CD47: variants seen among roughly 807,000 people sequenced by gnomAD.
CD47 encodes the protein leukocyte surface antigen CD47.
Under a neutral mutation model 44.6 loss-of-function variants are expected in CD47, and 11 were observed. That is an observed-to-expected ratio of 0.25 (90% CI 0.16 to 0.41). The LOEUF is 0.41. Among genes scored for constraint, CD47 ranks in the 10% least tolerant of loss-of-function variants. The probability of loss-of-function intolerance (pLI) is 1.00; values close to 1 mark genes in which losing one functional copy is unlikely to be tolerated. For missense variants in CD47, 306 were observed against 386.7 expected (o/e 0.79, Z 1.75); for synonymous variants, 140 against 136.3 (o/e 1.03, Z -0.19).
In CD47 at chr3:108,057,347, T is replaced by C. The variant is rs1325859695; in HGVS notation, c.877+130A>G. 5.7e-5 allele frequency: 31 copies of C among 547,034 alleles called. No individual in the cohort carries two copies. In the East Asian group the frequency reaches 8.3e-4, roughly 15 times the overall value. The allele number at this position is 547,034 out of a possible 1,614,324, so 33.9% of individuals were successfully genotyped here. A position where few individuals can be genotyped will look rare whatever the true frequency, so the allele number is the denominator to read the frequency against. On this transcript the variant is annotated intron_variant, in intron 7 of 10. Coordinates refer to ENST00000361309, the MANE Select transcript of CD47 (RefSeq NM_001777.4). ...CCTATATGTCTTCTACCCTCTTTAA[T>C]TATCCTCGAATCACTCCAATTGTAT...
At chr3:108,057,395 T>C in intron 7 of CD47, 82 bp downstream of exon 7, 1 of 691,486 alleles carries the variant, frequency 1.4e-6, no homozygotes, top group East Asian at 2.6e-5. Context: ...GGTCCTAAAC[T>C]GGAAGAACAA....
In CD47 at chr3:108,058,409, C is replaced by T. The variant is rs1218151856; in HGVS notation, c.712G>A (p.Val238Ile). The stretch of plus-strand genomic sequence containing the variant: ...ACCTGAATAACCAATATGGCAATGA[C>T]GAAGGAGGTTAATCCAATCGCTGGA... ...FSTAIGLTSF[V>I]IAILVIQVIA... The change falls in exon 6 of 11, where the codon GTC becomes ATC. Residue 238 changes from valine (V) to isoleucine (I), a missense_variant. By Grantham distance (29) the Val-to-Ile change is conservative. Around this residue, in one of 5 missense-constraint regions of CD47, gnomAD observed 131 missense variants for 135.3 expected, o/e 0.97. Coordinates refer to ENST00000361309, the MANE Select transcript of CD47 (RefSeq NM_001777.4). The T allele has an allele frequency of 2.4e-5, 37 of 1,564,410 alleles. No homozygotes were observed. The highest frequency in any genetic ancestry group is 6.7e-5 in the African/African-American group (5 of 74,220).
chr3:108,064,143 A>G (rs1318635738), intron 3 of CD47, among the ~76,000 whole-genome samples: 3 of 152,336 alleles, frequency 2.0e-5, no homozygotes, highest in South Asian at 2.1e-4. Context: ...TTTATTTGAC[A>G]ATAATTGATT....
rs1279451954 is a variant in CD47, at chr3:108,090,984, G to C, written c.-76C>G. ...CAGCCGCCGCCGCCGTTACAGGCAG[G>C]ACCGACCGCCGCCGCGCGTCACAGG... On this transcript the variant is annotated 5_prime_UTR_variant, in exon 1 of 11. Transcript: ENST00000361309. 1.4e-5 allele frequency: 15 copies of C among 1,080,196 alleles called. No homozygotes were observed. The highest frequency in any genetic ancestry group is 1.7e-5 in the Non-Finnish European group (14 of 814,780). The allele number at this position is 1,080,196 out of a possible 1,614,324, so 66.9% of individuals were successfully genotyped here. A position where few individuals can be genotyped will look rare whatever the true frequency, so the allele number is the denominator to read the frequency against.
At chr3:108,068,268 T>G (rs2079137838) in intron 3 of CD47, among the ~76,000 whole-genome samples, 1 of 152,150 alleles carries the variant, frequency 6.6e-6, no homozygotes, top group African/African-American at 2.4e-5. Context: ...TTTGGATCCA[T>G]GACTATCTCA....
intron 7 of CD47, chr3:108,052,984 C>G (rs1332167761): frequency 6.6e-6 from 1 of 152,506 alleles, no homozygotes; most frequent in Non-Finnish European, 1.5e-5. Context: ...TAAAAAAACC[C>G]AAAAAAACAA....
At chr3:108,057,732 G>C (rs933728325) in intron 6 of CD47, among the ~76,000 whole-genome samples, 163 bp from the exon 7 acceptor site, 7 of 152,086 alleles carry the variant, frequency 4.6e-5, no homozygotes, top group Non-Finnish European at 7.4e-5. Context: ...AAAATTATTA[G>C]AAGAACAAAG....
Position 108,057,598 on chromosome 3 carries a change from G to A in CD47, c.785-29C>T, listed in dbSNP as rs777496875. ...TAAAAACAAATAAAATTCTGTATTA[G>A]AAAAGCATATGAAATAACTTACTAA... On this transcript the variant is annotated intron_variant, in intron 6 of 10. Transcript: ENST00000361309. 6.6e-6 allele frequency: 7 copies of A among 1,055,580 alleles called. No individual in the cohort carries two copies. The South Asian group carries it at 8.1e-5, about 12-fold the overall frequency. The allele number at this position is 1,055,580 out of a possible 1,614,324, so 65.4% of individuals were successfully genotyped here. A position where few individuals can be genotyped will look rare whatever the true frequency, so the allele number is the denominator to read the frequency against.
chr3:108,048,109 C>G (rs931454006), intron 10 of CD47, among the ~76,000 whole-genome samples: 2 of 151,244 alleles, frequency 1.3e-5, no homozygotes, highest in Non-Finnish European at 2.9e-5. Flanking sequence ...CAAACCATGC[C>G]ACAATTCCTG....
intron 9 of CD47, 80 bp from the exon 10 acceptor site, chr3:108,049,731 T>C (rs531789282): frequency 1.1e-6 from 1 of 947,218 alleles, no homozygotes; most frequent in African/African-American, 1.6e-5. Flanking sequence ...AAATATGCAA[T>C]GATATGCTAA....
intron 5 of CD47, 101 bp downstream of exon 5, chr3:108,059,351 C>T (rs1576993959): frequency 1.9e-6 from 1 of 539,390 alleles, no homozygotes. Flanking sequence ...TAAACCTACT[C>T]TTATTGAGTT....
chr3:108,076,574 T>C (rs149666313), intron 2 of CD47, among the ~76,000 whole-genome samples: 31 of 152,318 alleles, frequency 2.0e-4, no homozygotes, highest in African/African-American at 6.0e-4. Context: ...CCTTGAACAA[T>C]ACCTTGAATC....
intron 10 of CD47, among the ~76,000 whole-genome samples, chr3:108,047,636 G>T (rs2078742840): frequency 6.6e-6 from 1 of 152,166 alleles, no homozygotes; most frequent in African/African-American, 2.4e-5. Flanking sequence ...TTCATTTAAT[G>T]TAAGTAAAAT....
At chr3:108,065,254 A>G (rs1260767990) in intron 3 of CD47, among the ~76,000 whole-genome samples, 2 of 152,218 alleles carry the variant, frequency 1.3e-5, no homozygotes, top group Non-Finnish European at 2.9e-5. Context: ...GAGGATGTCC[A>G]ACAGACCAAA....
intron 1 of CD47, among the ~76,000 whole-genome samples, chr3:108,085,608 T>C (rs544530747): frequency 1.9e-4 from 29 of 152,266 alleles, no homozygotes; most frequent in Admixed American, 4.6e-4. Flanking sequence ...ATTGCTCCCA[T>C]TGCCTTGTGT....
chr3:108,074,292 C>T (rs763851799), intron 2 of CD47, among the ~76,000 whole-genome samples: 7 of 151,818 alleles, frequency 4.6e-5, no homozygotes, highest in Middle Eastern at 3.4e-3. Flanking sequence ...GATTACAGAA[C>T]AAAAAATACT....
At chr3:108,080,488 G>A in intron 1 of CD47, 144 bp from the exon 2 acceptor site, 1 of 546,496 alleles carries the variant, frequency 1.8e-6, no homozygotes, top group South Asian at 2.9e-5. Context: ...AGACCTATTA[G>A]GTGAAATATG....
chr3:108,082,553 G>C (rs1446177873), intron 1 of CD47, among the ~76,000 whole-genome samples: 1 of 151,730 alleles, frequency 6.6e-6, no homozygotes, highest in Non-Finnish European at 1.5e-5. Flanking sequence ...TAAAATCTTT[G>C]ACACATGTTC....
intron 10 of CD47, 49 bp downstream of exon 10, chr3:108,049,570 T>C: frequency 8.5e-7 from 1 of 1,176,362 alleles, no homozygotes; most frequent in Admixed American, 1.7e-5. Flanking sequence ...TGTTTTCCAA[T>C]GTCCATGTTT....
Sources: gnomAD v4.1 joint callset for allele counts (sites outside exome capture counted in the v4.1 genomes callset) on GRCh38, gnomAD v4.1.1 for gene constraint, gnomAD v4.1.1 regional missense constraint, MANE v1.5 for transcripts, NCBI Gene and HGNC (gene_info 2026-07-23, HGNC 2026-07-21) for gene names.